Variants in RORA observed in about 807,000 individuals in gnomAD.
RORA encodes RAR related orphan receptor A.
In RORA, 7 loss-of-function variants were observed where a neutral mutation model predicts 69.5. The observed-to-expected ratio is 0.10, with a 90% CI of 0.06 to 0.19. The LOEUF (loss-of-function observed/expected upper bound fraction) is 0.19, where lower values mean the gene tolerates loss of function less well. Ranked by LOEUF, RORA falls within the 10% of genes least tolerant of loss-of-function variation. The pLI, the probability that RORA is intolerant of heterozygous loss-of-function variation, is 1.00. For missense variants in RORA, 457 were observed against 663.0 expected (o/e 0.69, Z 3.41); for synonymous variants, 261 against 240.8 (o/e 1.08, Z -0.78).
chr15:60,738,131 C>A (rs933662030), intron 1 of RORA, among the ~76,000 whole-genome samples: 4 of 152,156 alleles, frequency 2.6e-5, no homozygotes, highest in African/African-American at 9.7e-5. Flanking sequence ...CAAGCAGTTC[C>A]ACAAGGGATA....
chr15:60,647,303 G>A (rs1192970475), intron 2 of RORA, among the ~76,000 whole-genome samples: 2 of 152,306 alleles, frequency 1.3e-5, no homozygotes, highest in Non-Finnish European at 1.5e-5. Flanking sequence ...AGGCATACAC[G>A]TTTGTGAGTG....
intron 1 of RORA, among the ~76,000 whole-genome samples, chr15:60,980,437 G>A (rs1344143248): frequency 3.3e-5 from 5 of 152,106 alleles, no homozygotes; most frequent in African/African-American, 1.2e-4. Flanking sequence ...TTTTTGGAAA[G>A]ATTTTGAGAA....
intron 1 of RORA, among the ~76,000 whole-genome samples, chr15:61,063,052 C>T (rs931466776): frequency 6.6e-6 from 1 of 152,202 alleles, no homozygotes; most frequent in African/African-American, 2.4e-5. Flanking sequence ...ACAGACCCGG[C>T]GTATTCACCA....
At position 61,128,449 on chromosome 15, in the gene RORA, A is replaced by T. The variant is rs1346758626; in HGVS notation, c.166+100604T>A. Among the ~76,000 whole-genome samples, 1 of 152,218 alleles carries T rather than the reference A, an allele frequency of 6.6e-6. No individual in the cohort carries two copies. The highest frequency in any genetic ancestry group is 2.4e-5 in the African/African-American group (1 of 41,444). On this transcript the variant is annotated intron_variant, in intron 1 of 10. Transcript: ENST00000335670. This position sits in a 1 kb window ranked among gnomAD's most constrained non-coding sequence, Gnocchi z 4.5. Reference sequence around the variant, plus strand: ...CTCCTGTTTGCAGTTAACCACTTACAGGGCCAGTCACTGGAATTCCCTGGG... The same window carrying T: ...CTCCTGTTTGCAGTTAACCACTTACTGGGCCAGTCACTGGAATTCCCTGGG...
At chr15:60,561,192 C>T (rs2067547321) in intron 2 of RORA, among the ~76,000 whole-genome samples, 1 of 151,538 alleles carries the variant, frequency 6.6e-6, no homozygotes, top group Non-Finnish European at 1.5e-5. Context: ...CGCCATTCTC[C>T]TGCCTCAGCC....
rs942187042 is a variant in RORA at position 60,492,070 on chromosome 15, G to C, written c.*5385C>G. The C allele has an allele frequency of 6.6e-6, 1 of 151,910 alleles. No individual in the cohort carries two copies. The highest frequency in any genetic ancestry group is 1.9e-4 in the East Asian group (1 of 5,200). 9.4% of individuals were successfully genotyped at this position (151,910 alleles called of 1,614,324 possible). A position where few individuals can be genotyped will look rare whatever the true frequency, so the allele number is the denominator to read the frequency against. On this transcript the variant is annotated 3_prime_UTR_variant, in exon 11 of 11. Coordinates refer to ENST00000335670, the MANE Select transcript of RORA (RefSeq NM_134261.3). ...CATATACAAATACACATAGAGAGGA[G>C]AGATTTCTACCATTTTCCATATTCT...
chr15:60,749,677 C>A (rs1035322568), intron 1 of RORA, among the ~76,000 whole-genome samples: 9 of 152,094 alleles, frequency 5.9e-5, no homozygotes, highest in African/African-American at 1.9e-4. Flanking sequence ...AAACTCTGTT[C>A]CCTGATTTTA....
intron 1 of RORA, among the ~76,000 whole-genome samples, chr15:60,830,629 C>G (rs1045927449): frequency 3.3e-5 from 5 of 152,276 alleles, no homozygotes; most frequent in East Asian, 1.9e-4. Context: ...TACAATATGA[C>G]AAGTACTTCC....
intron 5 of RORA, among the ~76,000 whole-genome samples, chr15:60,509,396 G>A (rs1168043902): frequency 6.6e-6 from 1 of 152,196 alleles, no homozygotes; most frequent in Non-Finnish European, 1.5e-5. Context: ...GCAAGCATGA[G>A]GGGGCAGGGC....
intron 1 of RORA, among the ~76,000 whole-genome samples, chr15:61,000,406 C>T (rs1005305933): frequency 6.6e-6 from 1 of 152,150 alleles, no homozygotes; most frequent in African/African-American, 2.4e-5. Flanking sequence ...GGAATGATAT[C>T]AGATGCAAAG....
rs529098420 is a variant in RORA, at chr15:60,767,106, G to A, written c.167-88420C>T. On this transcript the variant is annotated intron_variant, in intron 1 of 10. Coordinates refer to ENST00000335670, the MANE Select transcript of RORA (RefSeq NM_134261.3). The stretch of plus-strand genomic sequence containing the variant: ...TGGGAAATTTCACTTAGAAATCTGT[G>A]CTTCAAGCTTCTCTTGGAAAATTGG... Among the ~76,000 whole-genome samples, 3 of 152,326 alleles carry A rather than the reference G, an allele frequency of 2.0e-5. No individual in the cohort carries two copies. The South Asian group carries it at 6.2e-4, about 32-fold the overall frequency.
At chr15:60,510,298 T>C (rs982571439) in intron 5 of RORA, 1 of 152,224 alleles carries the variant, frequency 6.6e-6, no homozygotes, top group Admixed American at 6.5e-5. Flanking sequence ...TATCAAAGTT[T>C]TTCTAATAAT....
chr15:61,053,549 C>A (rs1284693593), intron 1 of RORA, among the ~76,000 whole-genome samples: 1 of 151,990 alleles, frequency 6.6e-6, no homozygotes, highest in Non-Finnish European at 1.5e-5. Context: ...GCCAGGATGA[C>A]CCTCCTGATT....
intron 1 of RORA, among the ~76,000 whole-genome samples, chr15:61,019,403 C>T (rs996675147): frequency 2.6e-5 from 4 of 152,130 alleles, no homozygotes; most frequent in Admixed American, 6.5e-5. Flanking sequence ...GTAGTAATTC[C>T]TAGTGTTGTC....
At chr15:60,508,339 G>A (rs1408338404) in intron 5 of RORA, among the ~76,000 whole-genome samples, 1 of 152,166 alleles carries the variant, frequency 6.6e-6, no homozygotes, top group Non-Finnish European at 1.5e-5. Context: ...GGAAGTCCTC[G>A]CTTCTGAGTT....
rs61443323 is a variant in RORA, at chr15:60,793,040, G to GA, written c.167-114355dup. 6.9e-3 allele frequency among the ~76,000 whole-genome samples: 972 copies of GA among 141,366 alleles called. 8 individuals are homozygous for GA. The highest frequency in any genetic ancestry group is 0.02 in the African/African-American group (789 of 38,580). The allele number at this position is 141,366 out of a possible 152,430, so 92.7% of individuals were successfully genotyped here. On this transcript the variant is annotated intron_variant, in intron 1 of 10. Coordinates refer to ENST00000335670, the MANE Select transcript of RORA (RefSeq NM_134261.3). Reference sequence around the variant, plus strand: ...CACTCCCTCAAAAGAGAGAGAGAGAGAAAAAAAAAAAGAGAAAGAAAACTT... The same window carrying GA: ...CACTCCCTCAAAAGAGAGAGAGAGAGAAAAAAAAAAAAGAGAAAGAAAACTT...
rs1301594421 is a variant in RORA, at chr15:61,147,712, C to T, written c.166+81341G>A. Reference sequence around the variant, plus strand: ...CCAAGTGTCCTAGCTGGAGTTAACCCATGACTTCAGTCCTAAAAGAAAGGT... The same window carrying T: ...CCAAGTGTCCTAGCTGGAGTTAACCTATGACTTCAGTCCTAAAAGAAAGGT... On this transcript the variant is annotated intron_variant, in intron 1 of 10. Transcript: ENST00000335670. The surrounding 1 kb of genome is among the most constrained non-coding windows in gnomAD (Gnocchi z 4.1). Among the ~76,000 whole-genome samples the T allele has an allele frequency of 1.3e-5, 2 of 151,924 alleles. No individual in the cohort carries two copies. Among genetic ancestry groups the T allele is most frequent in the East Asian group, 1.9e-4 (1 of 5,160 alleles).
chr15:61,186,696 T>C (rs910636122), intron 1 of RORA, among the ~76,000 whole-genome samples: 1 of 146,526 alleles, frequency 6.8e-6, no homozygotes, highest in African/African-American at 2.5e-5. Context: ...CCAGATGTCA[T>C]GGCACTGTCC....
intron 1 of RORA, among the ~76,000 whole-genome samples, chr15:60,880,873 CT>C (rs1217545870): frequency 2.6e-5 from 4 of 152,288 alleles, no homozygotes; most frequent in South Asian, 4.2e-4. Context: ...ATGCATTTAA[CT>C]TTTTTTCTTA....
Sources: allele counts gnomAD v4.1 joint callset (sites outside exome capture counted in the v4.1 genomes callset), GRCh38; gene constraint gnomAD v4.1.1; non-coding constraint Gnocchi (gnomAD v3.1); transcripts MANE v1.5; gene names NCBI Gene and HGNC (gene_info 2026-07-23, HGNC 2026-07-21).